Variants in SCUBE1 observed in about 807,000 individuals in gnomAD.
The protein encoded by SCUBE1 is signal peptide, CUB domain and EGF like domain containing 1.
SCUBE1 carries 59 observed loss-of-function variants against 124.4 expected under a neutral mutation model. The observed-to-expected ratio is 0.47, with a 90% confidence interval of 0.38 to 0.59. The LOEUF (loss-of-function observed/expected upper bound fraction) is 0.59, where lower values mean the gene tolerates loss of function less well. SCUBE1 is among the 20% of genes least tolerant of loss of function. The pLI, the probability that SCUBE1 is intolerant of heterozygous loss-of-function variation, is 0.00. For missense variants in SCUBE1, 1,150 were observed against 1,371.2 expected (o/e 0.84, Z 2.55); for synonymous variants, 545 against 550.9 (o/e 0.99, Z 0.15).
intron 3 of SCUBE1, among the ~76,000 whole-genome samples, chr22:43,301,407 C>T (rs1382581612): frequency 1.3e-5 from 2 of 152,214 alleles, no homozygotes; most frequent in Non-Finnish European, 2.9e-5. Flanking sequence ...CTCCTCCTCG[C>T]TCACCCGCCT....
At chr22:43,285,311 G>A (rs534998390) in intron 4 of SCUBE1, among the ~76,000 whole-genome samples, 2 of 152,284 alleles carry the variant, frequency 1.3e-5, no homozygotes, top group South Asian at 4.1e-4. Context: ...ACGCTGAACT[G>A]CTCACCACCC....
intron 4 of SCUBE1, among the ~76,000 whole-genome samples, chr22:43,287,631 G>T (rs965639591): frequency 6.6e-6 from 1 of 152,248 alleles, no homozygotes; most frequent in Admixed American, 6.5e-5. Context: ...AAACCAGCCT[G>T]TGTGCTTTTC....
intron 6 of SCUBE1, among the ~76,000 whole-genome samples, chr22:43,254,813 C>A (rs1923594464): frequency 1.3e-5 from 2 of 152,250 alleles, no homozygotes; most frequent in African/African-American, 4.8e-5. Flanking sequence ...ATGAGGAAGT[C>A]TGCTTTCCAC....
chr22:43,306,311 T>C (rs1375317393), intron 3 of SCUBE1, among the ~76,000 whole-genome samples: 1 of 152,200 alleles, frequency 6.6e-6, no homozygotes, highest in Non-Finnish European at 1.5e-5. Flanking sequence ...TTTATTTATT[T>C]TTTATTTTCT....
intron 6 of SCUBE1, among the ~76,000 whole-genome samples, chr22:43,250,353 T>G (rs1380527674): frequency 1.3e-5 from 2 of 152,158 alleles, no homozygotes; most frequent in East Asian, 3.9e-4. Flanking sequence ...TGGGGAAAAC[T>G]TATGAAGATG....
intron 3 of SCUBE1, among the ~76,000 whole-genome samples, chr22:43,312,697 G>T (rs1926213228): frequency 6.6e-6 from 1 of 152,204 alleles, no homozygotes; most frequent in South Asian, 2.1e-4. Flanking sequence ...CTATGGGGTG[G>T]AGGCGCCCTT....
At chr22:43,285,531 G>T (rs74511791) in intron 4 of SCUBE1, among the ~76,000 whole-genome samples, 2,566 of 152,288 alleles carry the variant, frequency 0.017, 40 homozygotes, top group Middle Eastern at 0.027. Context: ...GCAACAATAG[G>T]GGGCGGGGGA....
At chr22:43,263,559 C>G (rs1273677524) in intron 4 of SCUBE1, among the ~76,000 whole-genome samples, 2 of 152,194 alleles carry the variant, frequency 1.3e-5, no homozygotes, top group African/African-American at 2.4e-5. Flanking sequence ...ACAGGGCAAC[C>G]TCCTTCCCCC....
intron 4 of SCUBE1, among the ~76,000 whole-genome samples, chr22:43,273,566 T>TTTTTTTTTTG (rs1924377706): frequency 8.1e-6 from 1 of 124,050 alleles, no homozygotes; most frequent in Non-Finnish European, 1.7e-5. Flanking sequence ...ACCCTCTTTT[T>TTTTTTTTTTG]TTTTTTTTTT....
At chr22:43,337,808 A>G (rs1927134023) in intron 2 of SCUBE1, among the ~76,000 whole-genome samples, 1 of 152,264 alleles carries the variant, frequency 6.6e-6, no homozygotes, top group African/African-American at 2.4e-5. Context: ...TTATACAGAA[A>G]GAGCAGGGAC....
chr22:43,310,285 C>T lies in SCUBE1; in HGVS notation c.349+9652G>A, dbSNP rs576225585. Among the ~76,000 whole-genome samples the T allele has an allele frequency of 2.6e-5, 4 of 152,258 alleles. No homozygotes were observed. In the South Asian group the frequency reaches 8.3e-4, roughly 32 times the overall value. ...TTCATGTGGTACTTCCTCCCTCTCA[C>T]TGGGGCTTCCTCCCCTTACCCCGGG... On this transcript the variant is annotated intron_variant, in intron 3 of 21. Coordinates refer to ENST00000360835, the MANE Select transcript of SCUBE1 (RefSeq NM_173050.5).
At chr22:43,329,250 G>A (rs937421165) in intron 2 of SCUBE1, among the ~76,000 whole-genome samples, 1 of 152,264 alleles carries the variant, frequency 6.6e-6, no homozygotes, top group African/African-American at 2.4e-5. Flanking sequence ...GACCAGGTCT[G>A]CCCGCAGGGC....
In SCUBE1 at chr22:43,331,854, G is replaced by A. The variant is rs542279286; in HGVS notation, c.220+7250C>T. On this transcript the variant is annotated intron_variant, in intron 2 of 21. Transcript: ENST00000360835. ...GGCTTCTGAAAGGCCCATGCCCCAG[G>A]GGCCGGATGAGCCGGGGATGAACAC... Among the ~76,000 whole-genome samples the A allele has an allele frequency of 1.6e-3, 237 of 152,336 alleles. 1 individual carries two copies. The highest frequency in any genetic ancestry group is 2.7e-3 in the Admixed American group (41 of 15,304).
At chr22:43,284,450 T>C (rs1925050597) in intron 4 of SCUBE1, among the ~76,000 whole-genome samples, 1 of 152,178 alleles carries the variant, frequency 6.6e-6, no homozygotes, top group African/African-American at 2.4e-5. Context: ...CCGTTGAACC[T>C]CAGGCCCCGC....
intron 4 of SCUBE1, among the ~76,000 whole-genome samples, chr22:43,274,787 A>G (rs567990820): frequency 6.6e-6 from 1 of 152,352 alleles, no homozygotes; most frequent in East Asian, 1.9e-4. Context: ...GCAGAGCCAC[A>G]GCCTGGGGCT....
chr22:43,241,356 C>T (rs1027124139), intron 6 of SCUBE1, among the ~76,000 whole-genome samples: 5 of 152,112 alleles, frequency 3.3e-5, no homozygotes, highest in African/African-American at 9.7e-5. Flanking sequence ...CTCCCAGCCT[C>T]GTGGCTCCTG....
At chr22:43,286,394 C>T (rs974802783) in intron 4 of SCUBE1, among the ~76,000 whole-genome samples, 1 of 152,232 alleles carries the variant, frequency 6.6e-6, no homozygotes, top group Non-Finnish European at 1.5e-5. Context: ...ACTTTGGTGC[C>T]TTCCACCAAG....
At chr22:43,215,317 C>T (rs1190466752) in intron 15 of SCUBE1, among the ~76,000 whole-genome samples, 5 of 152,280 alleles carry the variant, frequency 3.3e-5, no homozygotes, top group Non-Finnish European at 5.9e-5. Context: ...TGGATCACCA[C>T]GCAATGAGTA....
intron 15 of SCUBE1, among the ~76,000 whole-genome samples, chr22:43,217,810 G>A (rs1048374028): frequency 1.3e-5 from 2 of 152,076 alleles, no homozygotes; most frequent in Non-Finnish European, 2.9e-5. Context: ...GCAGCACGAC[G>A]CTGCCCTCCT....
Sources: gnomAD v4.1 joint callset for allele counts (sites outside exome capture counted in the v4.1 genomes callset) on GRCh38, gnomAD v4.1.1 for gene constraint, MANE v1.5 for transcripts, NCBI Gene and HGNC (gene_info 2026-07-23, HGNC 2026-07-21) for gene names.